ROS1: variants seen among roughly 807,000 people sequenced by gnomAD.
ROS1 encodes the protein proto-oncogene tyrosine-protein kinase ROS.
Under a neutral mutation model 273.5 loss-of-function variants are expected in ROS1, and 263 were observed. The observed-to-expected ratio is 0.96, with a 90% CI of 0.87 to 1.06. ROS1 has a LOEUF of 1.06. ROS1 is among the 50% of genes least tolerant of loss of function. The pLI, the probability that ROS1 is intolerant of heterozygous loss-of-function variation, is 0.00. For synonymous variants in ROS1, 1,008 were observed against 954.1 expected (o/e 1.06, Z -1.04); for missense variants, 2,833 against 2,751.1 (o/e 1.03, Z -0.67).
intron 5 of ROS1, 124 bp from the exon 6 acceptor site, chr6:117,404,552 C>T: frequency 1.3e-6 from 1 of 779,898 alleles, no homozygotes; most frequent in Non-Finnish European, 2.0e-6. Flanking sequence ...CACAATAACT[C>T]ACTTGAATAA....
At chr6:117,408,433 C>T (rs1056350283) in intron 5 of ROS1, among the ~76,000 whole-genome samples, 2 of 152,190 alleles carry the variant, frequency 1.3e-5, no homozygotes, top group African/African-American at 4.8e-5. Context: ...CCAAAGAAGA[C>T]ATTTATGCAG....
intron 43 of ROS1, among the ~76,000 whole-genome samples, chr6:117,289,126 C>T (rs1013994668): frequency 1.6e-4 from 25 of 152,328 alleles, no homozygotes; most frequent in Middle Eastern, 3.4e-3. Flanking sequence ...CCTTAACAAG[C>T]GGAGCAAGTC....
chr6:117,424,638 A>G (rs1776005439), intron 1 of ROS1, among the ~76,000 whole-genome samples: 1 of 152,116 alleles, frequency 6.6e-6, no homozygotes, highest in Admixed American at 6.5e-5. Context: ...AAACTTTTAA[A>G]AAAATGCTAC....
chr6:117,357,754 T>C (rs1176334884), intron 25 of ROS1, 50 bp downstream of exon 25: 24 of 1,230,304 alleles, frequency 2.0e-5, no homozygotes, highest in Non-Finnish European at 2.5e-5. Flanking sequence ...ACATTAAATA[T>C]GTCTATATCT....
At position 117,389,561 on chromosome 6, in the gene ROS1, G is replaced by T; in HGVS notation, c.1575C>A (p.Val525=). Residue 525 remains valine (V), a synonymous_variant, in exon 13 of 44, where the codon GTC becomes GTA. Transcript: ENST00000368507. The part of the protein sequence containing the change: ...NNDFLVTDGK[V]IFQQDALSFN... ...AAGACAAAGCATCCTGTTGGAAAAT[G>T]ACCTTGCCATCTGTGACAAGAAAGT... 1 of 1,614,172 alleles carries T rather than the reference G, an allele frequency of 6.2e-7. No individual in the cohort carries two copies. Among genetic ancestry groups the T allele is most frequent in the Non-Finnish European group, 8.5e-7 (1 of 1,180,040 alleles).
At chr6:117,360,220 TG>T in intron 23 of ROS1, 121 bp downstream of exon 23, 1 of 849,238 alleles carries the variant, frequency 1.2e-6, no homozygotes, top group Non-Finnish European at 1.8e-6. Context: ...AACATGTTTT[TG>T]ACCTAAACTT....
At chr6:117,312,314 T>A (rs1368670738) in intron 39 of ROS1, among the ~76,000 whole-genome samples, 1 of 152,138 alleles carries the variant, frequency 6.6e-6, no homozygotes, top group Non-Finnish European at 1.5e-5. Context: ...TCTTAAGTGG[T>A]GTTCTCCCTA....
In ROS1 at chr6:117,342,451, A is replaced by G. The variant is rs1778017329; in HGVS notation, c.4600T>C (p.Leu1534=). 2.5e-6 allele frequency: 4 copies of G among 1,611,408 alleles called. No individual in the cohort carries two copies. Among genetic ancestry groups the G allele is most frequent in the Non-Finnish European group, 2.5e-6 (3 of 1,178,510 alleles). ...TCTTTTCCTGGTGGTAAATGTTCCAAAGGATCTGAATAATAATTTTTTACA... is the reference window on the plus strand; with the variant it reads ...TCTTTTCCTGGTGGTAAATGTTCCAGAGGATCTGAATAATAATTTTTTACA... ...IAVKNYYSDP[L]EHLPPGKEIW... The change falls in exon 29 of 44, where the codon TTG becomes CTG. Residue 1534 remains leucine, a synonymous_variant. Coordinates refer to ENST00000368507, the MANE Select transcript of ROS1 (RefSeq NM_001378902.1).
At chr6:117,393,656 A>G (rs1163400944) in intron 11 of ROS1, among the ~76,000 whole-genome samples, 1 of 152,192 alleles carries the variant, frequency 6.6e-6, no homozygotes, top group African/African-American at 2.4e-5. Context: ...TACCTTCCAA[A>G]GAAGTAGAAT....
intron 16 of ROS1, among the ~76,000 whole-genome samples, chr6:117,385,209 C>T (rs989335710): frequency 2.0e-5 from 3 of 152,068 alleles, no homozygotes; most frequent in Middle Eastern, 3.2e-3. Context: ...GAAAAAATAC[C>T]TAATTCAACA....
chr6:117,320,601 C>G (rs1776227045), intron 36 of ROS1, among the ~76,000 whole-genome samples: 1 of 152,130 alleles, frequency 6.6e-6, no homozygotes, highest in African/African-American at 2.4e-5. Context: ...TCTTGAGTAG[C>G]AGATATGCTG....
chr6:117,371,647 T>C (rs1243648151), intron 18 of ROS1, among the ~76,000 whole-genome samples: 1 of 152,152 alleles, frequency 6.6e-6, no homozygotes, highest in Non-Finnish European at 1.5e-5. Flanking sequence ...GTATGAAACC[T>C]GAAAGCCCTA....
At chr6:117,342,065 T>G (rs1362586080) in intron 29 of ROS1, among the ~76,000 whole-genome samples, 1 of 152,148 alleles carries the variant, frequency 6.6e-6, no homozygotes, top group African/African-American at 2.4e-5. Flanking sequence ...AAGCTTGGTT[T>G]TTCTATAGCT....
At chr6:117,334,942 A>T (rs1777360033) in intron 32 of ROS1, among the ~76,000 whole-genome samples, 1 of 152,260 alleles carries the variant, frequency 6.6e-6, no homozygotes. Context: ...CAAAGACTTC[A>T]TGACTAAAAC....
chr6:117,394,301 C>T lies in ROS1; in HGVS notation c.1052G>A (p.Gly351Glu). 6.2e-7 allele frequency: 1 copy of T among 1,607,652 alleles called. No homozygotes were observed. Among genetic ancestry groups the T allele is most frequent in the Non-Finnish European group, 8.5e-7 (1 of 1,178,292 alleles). ...AGCCTTCTTCGCCCATATGAGAGTT[C>T]CTTCAGAGAAATAAACAATTTGCTG... ...VHQQIVYFSEGTLIWAKKAAN... is the reference protein window; with the variant it reads ...VHQQIVYFSEETLIWAKKAAN... The change falls in exon 11 of 44, where the codon GGA becomes GAA. Residue 351 changes from glycine (G) to glutamate (E), a missense_variant. By Grantham distance (98) the Gly-to-Glu change is moderately conservative. Coordinates refer to ENST00000368507, the MANE Select transcript of ROS1 (RefSeq NM_001378902.1).
intron 1 of ROS1, among the ~76,000 whole-genome samples, chr6:117,421,278 C>T (rs542615331): frequency 6.7e-6 from 1 of 148,758 alleles, no homozygotes; most frequent in South Asian, 2.1e-4. Context: ...ATTTCCAATA[C>T]CTTTTGGGGT....
At chr6:117,354,352 CAA>C (rs111253368) in intron 26 of ROS1, among the ~76,000 whole-genome samples, 7 of 132,416 alleles carry the variant, frequency 5.3e-5, no homozygotes, top group Non-Finnish European at 6.6e-5. Context: ...GACCCTGTCT[CAA>C]AAAAAAAAAA....
At position 117,389,767 on chromosome 6, in the gene ROS1, G is replaced by T; in HGVS notation, c.1369C>A (p.Arg457Ser). 3 of 1,614,134 alleles carry T rather than the reference G, an allele frequency of 1.9e-6. No homozygotes were observed. The highest frequency in any genetic ancestry group is 2.5e-6 in the Non-Finnish European group (3 of 1,180,016). ...TTTAACGTGCAACTCTCCACAATAC[G>T]CACAGCTTCTGCACACCGGCCAGAT... ...VPSGRCAEAV[R>S]IVESCTLKDF... is the part of the protein sequence containing the mutation. The change falls in exon 13 of 44, where the codon CGT (arginine) becomes AGT (serine). Residue 457 changes from arginine (R) to serine (S), a missense_variant. By Grantham distance (110) the Arg-to-Ser change is moderately radical (BLOSUM62 -1). Coordinates refer to ENST00000368507, the MANE Select transcript of ROS1 (RefSeq NM_001378902.1).
At position 117,315,593 on chromosome 6, in the gene ROS1, A is replaced by G. The variant is rs187055430; in HGVS notation, c.6117+1550T>C. On this transcript the variant is annotated intron_variant, in intron 39 of 43. Coordinates refer to ENST00000368507, the MANE Select transcript of ROS1 (RefSeq NM_001378902.1). ...TGTTAGATAAAGAGTTTTCAACCTA[A>G]AAGTCCAACCAAATTATCAACCAAG... Among the ~76,000 whole-genome samples, 499 of 152,278 alleles carry G rather than the reference A, an allele frequency of 3.3e-3. 3 individuals carry two copies. Among genetic ancestry groups the G allele is most frequent in the Non-Finnish European group, 4.9e-3 (335 of 68,014 alleles).
Sources: gnomAD v4.1 joint callset for allele counts (sites outside exome capture counted in the v4.1 genomes callset) on GRCh38, gnomAD v4.1.1 for gene constraint, MANE v1.5 for transcripts, NCBI Gene and HGNC (gene_info 2026-07-23, HGNC 2026-07-21) for gene names.